Variants in LPA observed in about 807,000 individuals in gnomAD.
LPA encodes lipoprotein(a), also known as apolipoprotein(a).
Under a neutral mutation model 197.9 loss-of-function variants are expected in LPA, and 199 were observed. The ratio of observed to expected loss-of-function variants is 1.01; its 90% CI spans 0.90 to 1.13. The LOEUF is 1.13. Ranked by LOEUF, LPA falls within the 50% of genes most tolerant of loss-of-function variation. The pLI, the probability that LPA is intolerant of heterozygous loss-of-function variation, is 0.00. For missense variants in LPA, 1,853 were observed against 1,785.8 expected (o/e 1.04, Z -0.68); for synonymous variants, 715 against 639.5 (o/e 1.12, Z -1.78).
intron 18 of LPA, among the ~76,000 whole-genome samples, chr6:160,601,749 T>C (rs1779245800): frequency 6.6e-6 from 1 of 152,224 alleles, no homozygotes; most frequent in Non-Finnish European, 1.5e-5. Context: ...AAAGCTGCCC[T>C]GGAAACCTAG....
At chr6:160,653,887 T>C (rs1379715735) in intron 1 of LPA, among the ~76,000 whole-genome samples, 2 of 97,828 alleles carry the variant, frequency 2.0e-5, no homozygotes, top group Admixed American at 1.3e-4. Flanking sequence ...ATGACATAAA[T>C]TGTATTAGTC....
At chr6:160,599,463 G>A (rs1187494637) in intron 20 of LPA, 37 bp downstream of exon 20, 3 of 1,611,406 alleles carry the variant, frequency 1.9e-6, no homozygotes, top group Non-Finnish European at 2.5e-6. Flanking sequence ...ACTTCCATTG[G>A]CCCTTCCTTC....
At chr6:160,594,639 C>G (rs1048381543) in intron 21 of LPA, among the ~76,000 whole-genome samples, 7 of 152,180 alleles carry the variant, frequency 4.6e-5, no homozygotes, top group Non-Finnish European at 8.8e-5. Context: ...GGGCTACTGG[C>G]CAAAATTTTA....
intron 31 of LPA, 99 bp from the exon 32 acceptor site, chr6:160,548,036 T>C (rs952629491): frequency 7.8e-7 from 1 of 1,283,548 alleles, no homozygotes; most frequent in African/African-American, 1.5e-5. Context: ...GTCAGGCTTC[T>C]CTAGGACGAC....
chr6:160,557,366 G>T (rs1194759577), intron 29 of LPA, 24 bp downstream of exon 29: 1 of 1,613,200 alleles, frequency 6.2e-7, no homozygotes, highest in Non-Finnish European at 8.5e-7. Flanking sequence ...CAAATGTGTA[G>T]ATATCTGGCC....
In LPA at chr6:160,586,947, C is replaced by T. The variant is rs538107541; in HGVS notation, c.3948-317G>A. Among the ~76,000 whole-genome samples, 15 of 152,206 alleles carry T rather than the reference C, an allele frequency of 9.9e-5. No individual in the cohort carries two copies. The South Asian group carries it at 2.3e-3, about 23-fold the overall frequency. The stretch of plus-strand genomic sequence containing the variant: ...GCCAAATACATTCCTTTGGATTAAC[C>T]GAGAGGGATTTTGAAGTGTGTCTTG... On this transcript the variant is annotated intron_variant, in intron 24 of 38. Transcript: ENST00000316300.
chr6:160,576,205 G>A (rs576789742), intron 28 of LPA, among the ~76,000 whole-genome samples: 5 of 150,958 alleles, frequency 3.3e-5, no homozygotes, highest in South Asian at 2.1e-4. Flanking sequence ...ACTTTTCAGC[G>A]TTTGTGTACC....
Position 160,586,562 on chromosome 6 carries a change from G to A in LPA, c.4016C>T (p.Pro1339Leu), listed in dbSNP as rs747284347. ...EIRPWCYTMD[P>L]SVRWEYCNLT... The stretch of plus-strand genomic sequence containing the variant: ...GTTGCAGTACTCCCATCTGACACTG[G>A]GATCCATGGTATAACACCAAGGGCG... The change falls in exon 25 of 39, where the codon CCC (proline) becomes CTC (leucine). Residue 1339 changes from proline (P) to leucine (L), a missense_variant. Pro to Leu is a moderately conservative substitution (Grantham distance 98, BLOSUM62 -3). This residue lies in a region of LPA where 1,737 missense variants were observed against 1,504.4 expected (regional missense o/e 1.15). Coordinates refer to ENST00000316300, the MANE Select transcript of LPA (RefSeq NM_005577.4). The A allele has an allele frequency of 3.1e-6, 5 of 1,613,736 alleles. No homozygotes were observed. The highest frequency in any genetic ancestry group is 4.2e-6 in the Non-Finnish European group (5 of 1,179,810).
chr6:160,557,708 G>A (rs978687004), intron 28 of LPA, 137 bp from the exon 29 acceptor site: 15 of 690,494 alleles, frequency 2.2e-5, no homozygotes, highest in African/African-American at 2.2e-4. Flanking sequence ...ATAATATTCC[G>A]AAAAGCAAAA....
intron 20 of LPA, among the ~76,000 whole-genome samples, chr6:160,599,015 T>C (rs1430960744): frequency 6.6e-6 from 1 of 152,134 alleles, no homozygotes; most frequent in Non-Finnish European, 1.5e-5. Flanking sequence ...TCCTTCTGCT[T>C]CCATAAAACT....
intron 20 of LPA, among the ~76,000 whole-genome samples, chr6:160,595,868 A>G (rs1206885465): frequency 6.6e-6 from 1 of 152,208 alleles, no homozygotes; most frequent in Non-Finnish European, 1.5e-5. Flanking sequence ...TGTACATTGT[A>G]CAATGTTGTA....
chr6:160,550,834 G>T (rs976754228), intron 30 of LPA, among the ~76,000 whole-genome samples: 4 of 152,092 alleles, frequency 2.6e-5, no homozygotes, highest in Non-Finnish European at 2.9e-5. Flanking sequence ...TAATATTTTT[G>T]AGCATCTTCC....
chr6:160,577,377 C>T, intron 27 of LPA, 82 bp from the exon 28 acceptor site: 1 of 1,305,566 alleles, frequency 7.7e-7, no homozygotes, highest in Non-Finnish European at 1.1e-6. Flanking sequence ...ACATACTGGA[C>T]AGTAGCCTCT....
Position 160,611,547 on chromosome 6 carries a change from A to G in LPA, c.2603+15T>C, listed in dbSNP as rs1434822505. On this transcript the variant is annotated intron_variant, in intron 16 of 38. Coordinates refer to ENST00000316300, the MANE Select transcript of LPA (RefSeq NM_005577.4). ...TTGGCCCTTTATTCTCTTATGGTAA[A>G]GAACAAAGACATACGCATTTGGGTA... The G allele has an allele frequency of 6.2e-7, 1 of 1,607,076 alleles. No homozygotes were observed. The highest frequency in any genetic ancestry group is 1.7e-5 in the Admixed American group (1 of 59,984).
intron 22 of LPA, among the ~76,000 whole-genome samples, chr6:160,592,624 G>A (rs1444903124): frequency 2.0e-5 from 3 of 152,160 alleles, no homozygotes; most frequent in Non-Finnish European, 4.4e-5. Context: ...TGCACTCTGG[G>A]GATGTCATAT....
intron 16 of LPA, among the ~76,000 whole-genome samples, chr6:160,609,456 T>G (rs962749626): frequency 2.6e-5 from 4 of 152,150 alleles, no homozygotes; most frequent in Non-Finnish European, 5.9e-5. Context: ...TCTCGTGAGA[T>G]GTTTCTTCTT....
At chr6:160,548,251 C>T (rs186579288) in intron 31 of LPA, among the ~76,000 whole-genome samples, 9 of 152,240 alleles carry the variant, frequency 5.9e-5, no homozygotes, top group Admixed American at 4.6e-4. Flanking sequence ...GGTTTTGCGC[C>T]AGTCCTAAAG....
At chr6:160,663,020 A>G (rs1056434099) in intron 1 of LPA, among the ~76,000 whole-genome samples, 1 of 152,214 alleles carries the variant, frequency 6.6e-6, no homozygotes, top group Non-Finnish European at 1.5e-5. Flanking sequence ...CAACTGCTCA[A>G]CTACCTGGTG....
intron 33 of LPA, among the ~76,000 whole-genome samples, chr6:160,543,397 G>T (rs912951643): frequency 3.3e-5 from 5 of 152,070 alleles, no homozygotes; most frequent in Non-Finnish European, 5.9e-5. Flanking sequence ...GTTGTCTCCA[G>T]CCCTTCAAGG....
Sources: gnomAD v4.1 joint callset for allele counts (sites outside exome capture counted in the v4.1 genomes callset) on GRCh38, gnomAD v4.1.1 for gene constraint, gnomAD v4.1.1 regional missense constraint, MANE v1.5 for transcripts, NCBI Gene and HGNC (gene_info 2026-07-23, HGNC 2026-07-21) for gene names.